MYO1E: variants seen among roughly 807,000 people sequenced by gnomAD.
MYO1E encodes unconventional myosin-Ie.
Under a neutral mutation model 151.1 loss-of-function variants are expected in MYO1E, and 68 were observed. The observed-to-expected ratio is 0.45, with a 90% CI of 0.37 to 0.55. MYO1E has a LOEUF of 0.55. MYO1E is among the 20% of genes least tolerant of loss of function. The pLI is 0.00. For missense variants in MYO1E, 1,363 were observed against 1,389.3 expected, an observed-to-expected ratio of 0.98 and a Z score of 0.30; for synonymous variants, 601 against 501.7, an observed-to-expected ratio of 1.20 and a Z score of -2.64.
In MYO1E at chr15:59,138,244, G is replaced by A. The variant is rs1236011421; in HGVS notation, c.3204C>T (p.Asp1068=). The change falls in exon 27 of 28, where the codon GAC becomes GAT. Residue 1068 remains aspartate (D), a synonymous_variant. Coordinates refer to ENST00000288235, the MANE Select transcript of MYO1E (RefSeq NM_004998.4). ...TGTCATTGGCATTAAAGCTGAGTTC[G>A]TCTGTGTCCTGAGCGTCATAGGCAT... ...ALYAYDAQDT[D]ELSFNANDII... The A allele has an allele frequency of 8.7e-6, 14 of 1,614,044 alleles. No individual in the cohort carries two copies. The highest frequency in any genetic ancestry group is 1.1e-5 in the South Asian group (1 of 91,088).
chr15:59,244,956 C>A (rs1400861526), intron 4 of MYO1E, among the ~76,000 whole-genome samples: 1 of 152,186 alleles, frequency 6.6e-6, no homozygotes, highest in African/African-American at 2.4e-5. Flanking sequence ...GTAAGATTTG[C>A]AGAAAGCTTG....
At chr15:59,301,476 T>A (rs1177730958) in intron 1 of MYO1E, among the ~76,000 whole-genome samples, 1 of 152,148 alleles carries the variant, frequency 6.6e-6, no homozygotes, top group Non-Finnish European at 1.5e-5. Context: ...GATGCCCTCA[T>A]CCCCTCACCG....
At chr15:59,315,197 TTAAG>T (rs1237545836) in intron 1 of MYO1E, among the ~76,000 whole-genome samples, 5 of 152,122 alleles carry the variant, frequency 3.3e-5, no homozygotes, top group Admixed American at 6.5e-5. Flanking sequence ...CATGATTTTT[TTAAG>T]TAAGTTCTCT....
chr15:59,325,661 CTTCA>C (rs1160200210), intron 1 of MYO1E, among the ~76,000 whole-genome samples: 3 of 152,140 alleles, frequency 2.0e-5, no homozygotes, highest in Non-Finnish European at 4.4e-5. Flanking sequence ...TTTAGCATTT[CTTCA>C]TTATCTTTTT....
intron 17 of MYO1E, among the ~76,000 whole-genome samples, chr15:59,190,068 G>A (rs2079723858): frequency 6.6e-6 from 1 of 152,194 alleles, no homozygotes; most frequent in African/African-American, 2.4e-5. Context: ...CCACTTGCTG[G>A]AAAACACAGT....
chr15:59,282,398 A>G (rs2080357946), intron 1 of MYO1E, among the ~76,000 whole-genome samples: 1 of 152,096 alleles, frequency 6.6e-6, no homozygotes. Flanking sequence ...GCTTGTCTTG[A>G]GGCTGAGCAG....
chr15:59,176,902 A>G (rs2079628498), intron 19 of MYO1E, among the ~76,000 whole-genome samples: 1 of 152,206 alleles, frequency 6.6e-6, no homozygotes, highest in South Asian at 2.1e-4. Context: ...GAGTCAAATA[A>G]TGGTAATAAC....
chr15:59,200,761 G>A (rs1182717860), intron 16 of MYO1E, among the ~76,000 whole-genome samples: 1 of 152,184 alleles, frequency 6.6e-6, no homozygotes, highest in Non-Finnish European at 1.5e-5. Flanking sequence ...TGCTTCCAAT[G>A]AATTATGAAG....
At chr15:59,257,885 A>G (rs1442107403) in intron 3 of MYO1E, among the ~76,000 whole-genome samples, 2 of 152,178 alleles carry the variant, frequency 1.3e-5, no homozygotes, top group Admixed American at 6.5e-5. Flanking sequence ...CTAGTCCACA[A>G]TAAGATTGTG....
At chr15:59,173,381 C>T (rs2079606813) in intron 21 of MYO1E, among the ~76,000 whole-genome samples, 1 of 152,164 alleles carries the variant, frequency 6.6e-6, no homozygotes, top group African/African-American at 2.4e-5. Flanking sequence ...TACTATGCAG[C>T]CATGTAAAAT....
rs191027382 is a variant in MYO1E at position 59,297,335 on chromosome 15, G to A, written c.4-24886C>T. 1.0e-3 allele frequency among the ~76,000 whole-genome samples: 156 copies of A among 149,380 alleles called. 2 individuals carry two copies. Among genetic ancestry groups the A allele is most frequent in the Middle Eastern group, 3.5e-3 (1 of 286 alleles). Reference sequence around the variant, plus strand: ...CACCCAGGCTGGAATGCAGTGGCACGATTTCAGCTCACTGCAACCTCCGCC... The same window carrying A: ...CACCCAGGCTGGAATGCAGTGGCACAATTTCAGCTCACTGCAACCTCCGCC... On this transcript the variant is annotated intron_variant, in intron 1 of 27. Transcript: ENST00000288235.
At chr15:59,202,281 G>C (rs187180367) in intron 16 of MYO1E, 45 bp downstream of exon 16, 1 of 1,545,050 alleles carries the variant, frequency 6.5e-7, no homozygotes, top group South Asian at 1.1e-5. Flanking sequence ...CCTAGAAAGC[G>C]CTAGCCCTTA....
intron 23 of MYO1E, among the ~76,000 whole-genome samples, chr15:59,162,461 T>A (rs1385711860): frequency 6.6e-6 from 1 of 151,890 alleles, no homozygotes; most frequent in Non-Finnish European, 1.5e-5. Flanking sequence ...CTGGCCAACA[T>A]GGTGAAACCC....
At chr15:59,152,119 C>A (rs910461744) in intron 26 of MYO1E, among the ~76,000 whole-genome samples, 29 of 152,092 alleles carry the variant, frequency 1.9e-4, no homozygotes, top group African/African-American at 6.5e-4. Flanking sequence ...ATCCCAGCTA[C>A]TCAGGAGGCT....
Position 59,202,332 on chromosome 15 carries a change from T to A in MYO1E, c.1692A>T (p.Lys564Asn). Reference sequence around the variant, plus strand: ...TTCCTAAAATAGAACTAACCTTTATTTTGCTTCCGGCAGTAGTTGGGCGCC... The same window carrying A: ...TTCCTAAAATAGAACTAACCTTTATATTGCTTCCGGCAGTAGTTGGGCGCC... ...KKGRPTTAGS[K>N]IKKQANDLVS... Residue 564 changes from lysine (K) to asparagine (N), a missense_variant, in exon 16 of 28, where the codon AAA (lysine) becomes AAT (asparagine). Physicochemically the swap from Lys to Asn is moderately conservative, Grantham distance 94. Transcript: ENST00000288235. 6.2e-7 allele frequency: 1 copy of A among 1,613,892 alleles called. No individual in the cohort carries two copies.
At chr15:59,237,152 T>C (rs1384076381) in intron 4 of MYO1E, among the ~76,000 whole-genome samples, 3 of 152,212 alleles carry the variant, frequency 2.0e-5, no homozygotes, top group African/African-American at 7.2e-5. Flanking sequence ...AACAAAGGCT[T>C]TGGTCAAGCC....
At chr15:59,352,766 G>A (rs751867929) in intron 1 of MYO1E, among the ~76,000 whole-genome samples, 3 of 152,064 alleles carry the variant, frequency 2.0e-5, no homozygotes, top group South Asian at 2.1e-4. Flanking sequence ...TTAAATTCAC[G>A]GAAGCATACC....
chr15:59,258,037 A>C (rs1392909828), intron 3 of MYO1E, among the ~76,000 whole-genome samples: 2 of 152,192 alleles, frequency 1.3e-5, no homozygotes, highest in African/African-American at 4.8e-5. Flanking sequence ...GGGCAGAAAA[A>C]GGAAAGTGAT....
chr15:59,372,247 C>G (rs539265931), intron 1 of MYO1E, among the ~76,000 whole-genome samples: 3 of 152,264 alleles, frequency 2.0e-5, no homozygotes, highest in African/African-American at 4.8e-5. Context: ...GCAGCCATAG[C>G]AACCCGGCCA....
Sources: gnomAD v4.1 joint callset for allele counts (sites outside exome capture counted in the v4.1 genomes callset) on GRCh38, gnomAD v4.1.1 for gene constraint, MANE v1.5 for transcripts, NCBI Gene and HGNC (gene_info 2026-07-23, HGNC 2026-07-21) for gene names.